TMEM68: variants seen among roughly 807,000 people sequenced by gnomAD.
TMEM68 encodes the protein DGAT1/2-independent enzyme synthesizing storage lipids.
Under a neutral mutation model 36.9 loss-of-function variants are expected in TMEM68, and 25 were observed. The ratio of observed to expected loss-of-function variants is 0.68; its 90% CI spans 0.49 to 0.95. The LOEUF is 0.95. Ranked by LOEUF, TMEM68 falls within the 40% of genes least tolerant of loss-of-function variation. The pLI, the probability that TMEM68 is intolerant of heterozygous loss-of-function variation, is 0.00. For missense variants in TMEM68, 333 were observed against 392.0 expected, an observed-to-expected ratio of 0.85 and a Z score of 1.27; for synonymous variants, 131 against 124.4, an observed-to-expected ratio of 1.05 and a Z score of -0.35.
chr8:55,765,786 G>C (rs1365538301), intron 1 of TMEM68, among the ~76,000 whole-genome samples: 1 of 152,210 alleles, frequency 6.6e-6, no homozygotes, highest in African/African-American at 2.4e-5. Flanking sequence ...TGGATGACAT[G>C]AATGGGCTTA....
At chr8:55,767,868 C>T (rs1306861178) in intron 1 of TMEM68, among the ~76,000 whole-genome samples, 5 of 152,044 alleles carry the variant, frequency 3.3e-5, no homozygotes, top group South Asian at 4.2e-4. Context: ...ACCTGGGAGG[C>T]GGAGGTGCAG....
chr8:55,748,705 CCA>C (rs1195752144), intron 5 of TMEM68, among the ~76,000 whole-genome samples: 2 of 152,052 alleles, frequency 1.3e-5, no homozygotes, highest in Non-Finnish European at 2.9e-5. Flanking sequence ...CTCCCAGGCT[CCA>C]GTCATCCTCC....
intron 1 of TMEM68, among the ~76,000 whole-genome samples, chr8:55,767,936 C>CA (rs1247377650): frequency 4.4e-4 from 65 of 148,502 alleles, no homozygotes; most frequent in African/African-American, 1.4e-3. Context: ...AACTCAGTCT[C>CA]AAAAAAAAAA....
intron 3 of TMEM68, chr8:55,761,043 C>T (rs568568557): frequency 5.9e-5 from 9 of 152,180 alleles, no homozygotes; most frequent in African/African-American, 2.2e-4. Context: ...GAACTACTCA[C>T]ATAATACCAA....
Position 55,743,524 on chromosome 8 carries a change from AT to A in TMEM68, c.844del (p.Ile282PhefsTer7). The A allele has an allele frequency of 6.5e-7, 1 of 1,535,918 alleles. No homozygotes were observed. Among genetic ancestry groups the A allele is most frequent in the Non-Finnish European group, 8.7e-7 (1 of 1,146,782 alleles). ...CGCTGTTATCTGTGGGTCATACGGA[AT>A]GGGGTCGCCTAAATAGGTCCGTAAC... ...VKLRTYLGDP[I>X]PYDPQITAEE... On this transcript the variant is annotated frameshift_variant, in exon 7 of 8. Coordinates refer to ENST00000434581, the MANE Select transcript of TMEM68 (RefSeq NM_001286657.2). LOFTEE classifies it high-confidence loss of function.
chr8:55,745,075 G>T lies in TMEM68; in HGVS notation c.734C>A (p.Ser245Ter). ...FTQNIREGFR[S>*]LGGTRLFRWL... is the part of the protein sequence containing the mutation. Reference sequence around the variant, plus strand: ...TCAGAACTTACTTGTTCCTCCAAGTGATCTAAATCCTTCTCGAATATTTTG... The same window carrying T: ...TCAGAACTTACTTGTTCCTCCAAGTTATCTAAATCCTTCTCGAATATTTTG... The change falls in exon 6 of 8, where the codon TCA becomes TAA. Residue 245 changes from serine (S) to a stop codon, truncating the protein, a stop_gained. Coordinates refer to ENST00000434581, the MANE Select transcript of TMEM68 (RefSeq NM_001286657.2). LOFTEE classifies it high-confidence loss of function. 6.7e-7 allele frequency: 1 copy of T among 1,494,310 alleles called. No individual in the cohort carries two copies. Among genetic ancestry groups the T allele is most frequent in the Non-Finnish European group, 8.9e-7 (1 of 1,126,856 alleles). 92.6% of individuals were successfully genotyped at this position (1,494,310 alleles called of 1,614,324 possible).
chr8:55,767,922 G>T (rs1811024214), intron 1 of TMEM68, among the ~76,000 whole-genome samples: 5 of 151,792 alleles, frequency 3.3e-5, no homozygotes. Context: ...GGCAACAACA[G>T]CGAAACTCAG....
At chr8:55,743,432 A>T (rs938281588) in intron 7 of TMEM68, 49 bp downstream of exon 7, 16 of 1,493,282 alleles carry the variant, frequency 1.1e-5, no homozygotes, top group South Asian at 5.2e-5. Context: ...AAATATAATA[A>T]TTGAAAATAA....
In TMEM68 at chr8:55,751,112, C is replaced by T. The variant is rs746232182; in HGVS notation, c.539G>A (p.Arg180Lys). The T allele has an allele frequency of 1.2e-6, 2 of 1,613,992 alleles. No individual in the cohort carries two copies. The highest frequency in any genetic ancestry group is 1.7e-6 in the Non-Finnish European group (2 of 1,179,980). Residue 180 changes from arginine to lysine, a missense_variant, in exon 5 of 8, where the codon AGA becomes AAA. Transcript: ENST00000434581. ...LDVFCALHGP[R>K]EKCVEILRSG... Reference sequence around the variant, plus strand: ...CCTCAGAATTTCAACACATTTTTCTCTTGGTCCATGTAGAGCACAAAACAC... The same window carrying T: ...CCTCAGAATTTCAACACATTTTTCTTTTGGTCCATGTAGAGCACAAAACAC...
intron 3 of TMEM68, 162 bp downstream of exon 3, chr8:55,762,471 GAC>G (rs543631460): frequency 3.0e-6 from 4 of 1,339,522 alleles, no homozygotes; most frequent in South Asian, 3.1e-5. Flanking sequence ...TTTTAAGAAA[GAC>G]ACATACATAT....
chr8:55,762,042 G>A (rs1810807607), intron 3 of TMEM68: 1 of 152,156 alleles, frequency 6.6e-6, no homozygotes, highest in Non-Finnish European at 1.5e-5. Flanking sequence ...CAATTTTCAT[G>A]ATGGCCAAAC....
intron 5 of TMEM68, among the ~76,000 whole-genome samples, chr8:55,748,969 A>C (rs7016494): frequency 0.86 from 130,178 of 151,800 alleles, 55,991 homozygotes; most frequent in East Asian, 0.99. Context: ...AGACATTGTG[A>C]AAGTTACTTA....
chr8:55,761,724 A>C (rs1470634975), intron 3 of TMEM68: 2 of 152,232 alleles, frequency 1.3e-5, no homozygotes, highest in Admixed American at 6.5e-5. Context: ...GTAGTATTAA[A>C]ATGAAAATAC....
At chr8:55,754,736 T>TTATATATATATTATATATAAAATACA (rs1563432257) in intron 4 of TMEM68, among the ~76,000 whole-genome samples, 1 of 122,932 alleles carries the variant, frequency 8.1e-6, no homozygotes, top group African/African-American at 3.2e-5. Context: ...AAATACATAC[T>TTATATATATATTATATATAAAATACA]TATATATATA....
chr8:55,765,715 T>C (rs1810943404), intron 1 of TMEM68, among the ~76,000 whole-genome samples: 1 of 152,214 alleles, frequency 6.6e-6, no homozygotes, highest in South Asian at 2.1e-4. Context: ...CATCTGCTTA[T>C]TAACTTTCAT....
At chr8:55,769,460 GA>G (rs1003731822) in intron 1 of TMEM68, among the ~76,000 whole-genome samples, 6 of 152,066 alleles carry the variant, frequency 3.9e-5, no homozygotes, top group African/African-American at 1.4e-4. Context: ...GGCCAAAGGG[GA>G]CAGGATACAA....
chr8:55,740,053 C>T lies in TMEM68; in HGVS notation c.*79G>A, dbSNP rs1810051371. ...TAAAAAATACTAATTATAGGACCTA[C>T]AAAATTCAGAAGACAGTACCTTAGA... On this transcript the variant is annotated 3_prime_UTR_variant, in exon 8 of 8. Coordinates refer to ENST00000434581, the MANE Select transcript of TMEM68 (RefSeq NM_001286657.2). 1.7e-6 allele frequency: 2 copies of T among 1,159,800 alleles called. No individual in the cohort carries two copies. The highest frequency in any genetic ancestry group is 5.0e-5 in the East Asian group (2 of 40,384). The allele number at this position is 1,159,800 out of a possible 1,614,324, so 71.8% of individuals were successfully genotyped here.
intron 5 of TMEM68, chr8:55,745,357 A>C (rs1367117395): frequency 7.8e-6 from 2 of 255,850 alleles, no homozygotes; most frequent in East Asian, 1.4e-4. Context: ...TGGGGGCGTG[A>C]GGGGATCACA....
intron 4 of TMEM68, 82 bp downstream of exon 4, chr8:55,756,162 G>T (rs1305455845): frequency 2.2e-5 from 28 of 1,269,284 alleles, no homozygotes; most frequent in Non-Finnish European, 2.9e-5. Flanking sequence ...AATGACGTTA[G>T]AGAGCTCAGG....
Sources: allele counts gnomAD v4.1 joint callset (sites outside exome capture counted in the v4.1 genomes callset), GRCh38; gene constraint gnomAD v4.1.1; transcripts MANE v1.5; gene names NCBI Gene and HGNC (gene_info 2026-07-23, HGNC 2026-07-21).